IQCB1: variants seen among roughly 807,000 people sequenced by gnomAD.
The protein encoded by IQCB1 is IQ motif containing B1, also known as IQ calmodulin-binding motif-containing protein 1.
Under a neutral mutation model 84.4 loss-of-function variants are expected in IQCB1, and 56 were observed. That is an observed-to-expected ratio of 0.66 (90% confidence interval 0.54 to 0.83). The LOEUF (loss-of-function observed/expected upper bound fraction) is 0.83, where lower values mean the gene tolerates loss of function less well. IQCB1 is among the 40% of genes least tolerant of loss of function. The pLI is 0.00. For synonymous variants in IQCB1, 210 were observed against 234.8 expected (o/e 0.89, Z 0.96); for missense variants, 629 against 682.1 (o/e 0.92, Z 0.87).
At chr3:121,795,009 T>C (rs770112865) in intron 10 of IQCB1, among the ~76,000 whole-genome samples, 76 of 152,178 alleles carry the variant, frequency 5.0e-4, no homozygotes, top group Non-Finnish European at 9.9e-4. Context: ...CTTTTCAGTC[T>C]ACTTGAAATA....
intron 12 of IQCB1, among the ~76,000 whole-genome samples, chr3:121,782,803 C>T (rs1314013676): frequency 1.3e-5 from 2 of 152,164 alleles, no homozygotes; most frequent in Non-Finnish European, 2.9e-5. Context: ...CCTCAGCCCC[C>T]TGAGTAGCTG....
rs534325743 is a variant in IQCB1 at position 121,825,999 on chromosome 3, GCTT to G, written c.393+49_393+51del. Reference sequence around the variant, plus strand: ...TGCACATTTAAAAAATAACAGAACAGCTTCTTAAGAATTAAACTGATTTAGCTA... The same window carrying G: ...TGCACATTTAAAAAATAACAGAACAGCTTAAGAATTAAACTGATTTAGCTA... On this transcript the variant is annotated intron_variant, in intron 5 of 14. Transcript: ENST00000310864. 254 of 1,492,892 alleles carry G rather than the reference GCTT, an allele frequency of 1.7e-4. No homozygotes were observed. In the African/African-American group the frequency reaches 2.0e-3, roughly 12 times the overall value. 92.5% of individuals were successfully genotyped at this position (1,492,892 alleles called of 1,614,324 possible).
chr3:121,821,089 C>T (rs1950258840), intron 5 of IQCB1, among the ~76,000 whole-genome samples: 1 of 151,938 alleles, frequency 6.6e-6, no homozygotes, highest in Non-Finnish European at 1.5e-5. Context: ...CTCCTGGGCT[C>T]AAGCAATCCT....
chr3:121,797,249 T>G (rs1332747785), intron 8 of IQCB1, 22 bp from the exon 9 acceptor site: 1 of 1,033,484 alleles, frequency 9.7e-7, no homozygotes, highest in Non-Finnish European at 1.5e-6. Flanking sequence ...TAGCAAAAGG[T>G]ACAACTATTA....
At chr3:121,787,289 A>G (rs1220489172) in intron 12 of IQCB1, among the ~76,000 whole-genome samples, 1 of 152,228 alleles carries the variant, frequency 6.6e-6, no homozygotes, top group Non-Finnish European at 1.5e-5. Context: ...AGGATTGTTA[A>G]GCTAAATGCT....
chr3:121,792,518 C>T lies in IQCB1; in HGVS notation c.987-2303G>A, dbSNP rs1043189379. Among the ~76,000 whole-genome samples the T allele has an allele frequency of 6.2e-5, 9 of 144,872 alleles. No individual in the cohort carries two copies. In the South Asian group the frequency reaches 1.4e-3, roughly 22 times the overall value. Reference sequence around the variant, plus strand: ...ACTAAAAAATAACAAAAAAATTAGCCGGGCGTGATGGCGGGCGCCTGTAGT... The same window carrying T: ...ACTAAAAAATAACAAAAAAATTAGCTGGGCGTGATGGCGGGCGCCTGTAGT... On this transcript the variant is annotated intron_variant, in intron 10 of 14. Coordinates refer to ENST00000310864, the MANE Select transcript of IQCB1 (RefSeq NM_001023570.4).
At position 121,797,217 on chromosome 3, in the gene IQCB1, A is replaced by G; in HGVS notation, c.777T>C (p.Arg259=). ...RQSTCYKGLR[R]LLSKQETGTE... ...TCCCAGTTTCCTGTTTACTTAGTAGACGTCTGAGTCCTGAAATGGAATAGC... is the reference window on the plus strand; with the variant it reads ...TCCCAGTTTCCTGTTTACTTAGTAGGCGTCTGAGTCCTGAAATGGAATAGC... Residue 259 remains arginine, a synonymous_variant, in exon 9 of 15, where the codon CGT becomes CGC. Coordinates refer to ENST00000310864, the MANE Select transcript of IQCB1 (RefSeq NM_001023570.4). 6.4e-7 allele frequency: 1 copy of G among 1,561,760 alleles called. No individual in the cohort carries two copies. Among genetic ancestry groups the G allele is most frequent in the South Asian group, 1.1e-5 (1 of 89,570 alleles).
rs1449304531 is a variant in IQCB1, at chr3:121,835,043, C to T, written c.-179G>A. On this transcript the variant is annotated 5_prime_UTR_variant, in exon 1 of 15. Transcript: ENST00000310864. ...ACTACAGCGCCGCGGCCTTCCGGGG[C>T]AGCGTGCGTCGCGACGCGGGAAGGG... 32 of 572,832 alleles carry T rather than the reference C, an allele frequency of 5.6e-5. No homozygotes were observed. In the East Asian group the frequency reaches 8.3e-4, roughly 15 times the overall value. 35.5% of individuals were successfully genotyped at this position (572,832 alleles called of 1,614,324 possible).
intron 2 of IQCB1, 166 bp downstream of exon 2, chr3:121,834,225 A>G (rs1352983307): frequency 6.6e-6 from 1 of 152,234 alleles, no homozygotes; most frequent in East Asian, 1.9e-4. Flanking sequence ...AAGGTGAGGG[A>G]GTGCAGTTGG....
In IQCB1 at chr3:121,828,586, G is replaced by T. The variant is rs1950531624; in HGVS notation, c.147C>A (p.Ile49=). 6.2e-7 allele frequency: 1 copy of T among 1,603,472 alleles called. No individual in the cohort carries two copies. Among genetic ancestry groups the T allele is most frequent in the South Asian group, 1.1e-5 (1 of 90,872 alleles). ...TPLGSSELKK[I]KQDIYCYDLI... is the part of the protein sequence containing the mutation. ...GATCATAACAATATATATCTTGTTTGATTTTCTTCAACTCTGAGCTTCCTA... is the reference window on the plus strand; with the variant it reads ...GATCATAACAATATATATCTTGTTTTATTTTCTTCAACTCTGAGCTTCCTA... The change falls in exon 4 of 15, where the codon ATC becomes ATA. Residue 49 remains isoleucine, a synonymous_variant. Transcript: ENST00000310864.
intron 11 of IQCB1, 45 bp downstream of exon 11, chr3:121,790,028 T>A: frequency 1.3e-6 from 2 of 1,561,716 alleles, no homozygotes; most frequent in Non-Finnish European, 1.8e-6. Context: ...TGTTAAAAGA[T>A]AACCTAAATA....
chr3:121,788,570 AT>A, intron 11 of IQCB1, 138 bp from the exon 12 acceptor site: 2 of 833,428 alleles, frequency 2.4e-6, no homozygotes, highest in Non-Finnish European at 3.9e-6. Flanking sequence ...CAATTCTACT[AT>A]TTTACCATGG....
chr3:121,828,682 G>T (rs1406408852), intron 3 of IQCB1, 50 bp from the exon 4 acceptor site: 1 of 1,281,980 alleles, frequency 7.8e-7, no homozygotes, highest in Admixed American at 1.8e-5. Flanking sequence ...ATACATCCAG[G>T]AGCTATTTGT....
chr3:121,772,532 G>A (rs756939241), intron 14 of IQCB1, 25 bp downstream of exon 14: 1 of 1,613,456 alleles, frequency 6.2e-7, no homozygotes, highest in Non-Finnish European at 8.5e-7. Flanking sequence ...TCCTTTTAGA[G>A]AACGAAAGTA....
chr3:121,791,298 G>A (rs1219132704), intron 10 of IQCB1, among the ~76,000 whole-genome samples: 3 of 152,048 alleles, frequency 2.0e-5, no homozygotes, highest in Non-Finnish European at 4.4e-5. Context: ...CTTCATTATA[G>A]TATAGTTAGG....
chr3:121,816,742 T>A (rs1328043491), intron 5 of IQCB1, among the ~76,000 whole-genome samples: 1 of 152,102 alleles, frequency 6.6e-6, no homozygotes, highest in Non-Finnish European at 1.5e-5. Flanking sequence ...AGAGTGGCGA[T>A]CATTAAAAAG....
chr3:121,804,962 C>T (rs529351375), intron 7 of IQCB1, among the ~76,000 whole-genome samples: 3 of 152,240 alleles, frequency 2.0e-5, no homozygotes, highest in African/African-American at 7.2e-5. Flanking sequence ...CACTAATCTG[C>T]AATGTTAATC....
At position 121,799,390 on chromosome 3, in the gene IQCB1, A is replaced by T. The variant is rs766712921; in HGVS notation, c.588-16T>A. ...TAAATCACCACTAATAGAACAAAATAAAAAAAAAAGTACCATTACTAATTG... is the reference window on the plus strand; with the variant it reads ...TAAATCACCACTAATAGAACAAAATTAAAAAAAAAGTACCATTACTAATTG... On this transcript the variant is annotated splice_polypyrimidine_tract_variant and intron_variant, in intron 7 of 14. Transcript: ENST00000310864. 2.6e-4 allele frequency: 311 copies of T among 1,193,014 alleles called. 1 individual carries two copies. The highest frequency in any genetic ancestry group is 7.0e-4 in the East Asian group (26 of 37,182). The allele number at this position is 1,193,014 out of a possible 1,614,324, so 73.9% of individuals were successfully genotyped here.
intron 3 of IQCB1, 108 bp downstream of exon 3, chr3:121,828,753 T>C: frequency 6.1e-6 from 6 of 991,562 alleles, no homozygotes; most frequent in South Asian, 4.1e-5. Context: ...TGTTCTATTA[T>C]AGTGTTAAGA....
Sources: gnomAD v4.1 joint callset for allele counts (sites outside exome capture counted in the v4.1 genomes callset) on GRCh38, gnomAD v4.1.1 for gene constraint, MANE v1.5 for transcripts, NCBI Gene and HGNC (gene_info 2026-07-23, HGNC 2026-07-21) for gene names.